The following SPTAN1 variants were observed in gnomAD, a reference collection of about 807,000 sequenced individuals.
SPTAN1 encodes spectrin alpha chain, non-erythrocytic 1.
A neutral mutation model predicts 331.3 loss-of-function variants in SPTAN1; 61 were observed. That is an observed-to-expected ratio of 0.18 (90% CI 0.15 to 0.23). SPTAN1 has a LOEUF of 0.23. Among genes scored for constraint, SPTAN1 ranks in the 10% least tolerant of loss-of-function variants. The pLI is 1.00. For missense variants in SPTAN1, 2,043 were observed against 3,147.9 expected, an observed-to-expected ratio of 0.65 and a Z score of 8.40; for synonymous variants, 1,153 against 1,173.9, an observed-to-expected ratio of 0.98 and a Z score of 0.36.
chr9:128,629,096 T>C lies in SPTAN1; in HGVS notation c.6707+1154T>C, dbSNP rs144456039. ...GCTCTTGCCTCCCCTCCCTTTGGTGTATTCATTTGGTTTCTTTTCTTTGAA... is the reference window on the plus strand; with the variant it reads ...GCTCTTGCCTCCCCTCCCTTTGGTGCATTCATTTGGTTTCTTTTCTTTGAA... On this transcript the variant is annotated intron_variant, in intron 51 of 56. Transcript: ENST00000372739. This position sits in a 1 kb window ranked among gnomAD's most constrained non-coding sequence, Gnocchi z 4.9. 1.5e-4 allele frequency: 60 copies of C among 398,788 alleles called. 1 individual carries two copies. In the East Asian group the frequency reaches 2.1e-3, roughly 14 times the overall value. 24.7% of individuals were successfully genotyped at this position (398,788 alleles called of 1,614,324 possible). A position where few individuals can be genotyped will look rare whatever the true frequency, so the allele number is the denominator to read the frequency against.
At chr9:128,584,252 A>G (rs765221735) in intron 16 of SPTAN1, 30 bp from the exon 17 acceptor site, 21 of 1,614,006 alleles carry the variant, frequency 1.3e-5, no homozygotes, top group Non-Finnish European at 1.8e-5. Flanking sequence ...CACCCAAAGT[A>G]AAGTCTGCTC....
chr9:128,567,083 C>A, intron 2 of SPTAN1, 106 bp downstream of exon 2: 2 of 1,492,364 alleles, frequency 1.3e-6, no homozygotes, highest in Non-Finnish European at 9.2e-7. Context: ...AGAGATTGGA[C>A]AAGAAGAATA....
At chr9:128,584,006 T>A in intron 16 of SPTAN1, 37 bp downstream of exon 16, 2 of 1,613,272 alleles carry the variant, frequency 1.2e-6, no homozygotes, top group Non-Finnish European at 1.7e-6. Context: ...GGCAAGTGAA[T>A]GCAGAAACTA....
At position 128,629,647 on chromosome 9, in the gene SPTAN1, G is replaced by A. The variant is rs940699608; in HGVS notation, c.6708-674G>A. On this transcript the variant is annotated intron_variant, in intron 51 of 56. Transcript: ENST00000372739. This position sits in a 1 kb window ranked among gnomAD's most constrained non-coding sequence, Gnocchi z 4.9. ...GTGACCTGGCACTGTGTTCTCTTGGGAAGGAGGCTCCCCAGAGCCCATCTG... is the reference window on the plus strand; with the variant it reads ...GTGACCTGGCACTGTGTTCTCTTGGAAAGGAGGCTCCCCAGAGCCCATCTG... 1 of 168,698 alleles carries A rather than the reference G, an allele frequency of 5.9e-6. No individual in the cohort carries two copies. Among genetic ancestry groups the A allele is most frequent in the Admixed American group, 5.5e-5 (1 of 18,032 alleles). The allele number at this position is 168,698 out of a possible 1,614,324, so 10.5% of individuals were successfully genotyped here.
In SPTAN1 at chr9:128,606,505, G is replaced by GGC. The variant is rs1855904901; in HGVS notation, c.4046+1028_4046+1029insGC. 2.1e-5 allele frequency among the ~76,000 whole-genome samples: 3 copies of GGC among 144,888 alleles called. No individual in the cohort carries two copies. The South Asian group carries it at 6.5e-4, about 32-fold the overall frequency. On this transcript the variant is annotated intron_variant, in intron 31 of 56. Coordinates refer to ENST00000372739, the MANE Select transcript of SPTAN1 (RefSeq NM_001130438.3). ...TATATATATTTTTTTTTTGGGGGGG[G>GGC]AAGCGTTTCGCTTTTGTGCCCAGGC...
intron 21 of SPTAN1, 23 bp downstream of exon 21, chr9:128,588,966 G>A: frequency 6.2e-7 from 1 of 1,613,322 alleles, no homozygotes; most frequent in Non-Finnish European, 8.5e-7. Flanking sequence ...GAGTGGCTGT[G>A]TGTTTGTTCC....
Position 128,619,797 on chromosome 9 carries a change from C to T in SPTAN1, c.5733+794C>T, listed in dbSNP as rs191245287. Among the ~76,000 whole-genome samples, 297 of 152,340 alleles carry T rather than the reference C, an allele frequency of 1.9e-3. 1 individual carries two copies. The highest frequency in any genetic ancestry group is 3.1e-3 in the Non-Finnish European group (214 of 68,028). On this transcript the variant is annotated intron_variant, in intron 44 of 56. Coordinates refer to ENST00000372739, the MANE Select transcript of SPTAN1 (RefSeq NM_001130438.3). The stretch of plus-strand genomic sequence containing the variant: ...TCCCTAAATTGGTTAACTGTTGCTA[C>T]ATAACAACCCGCCTAAATGTAGTGG...
chr9:128,570,101 A>G (rs1188059127), intron 3 of SPTAN1, among the ~76,000 whole-genome samples: 2 of 152,006 alleles, frequency 1.3e-5, no homozygotes, highest in African/African-American at 4.8e-5. Context: ...AAATGAAATC[A>G]GTCTGCGTTA....
chr9:128,621,099 G>A (rs1467734810), intron 44 of SPTAN1, 59 bp from the exon 45 acceptor site: 2 of 1,496,752 alleles, frequency 1.3e-6, no homozygotes, highest in Non-Finnish European at 1.9e-6. Flanking sequence ...TGTCCCCGGG[G>A]CCTAGCCCAC....
intron 43 of SPTAN1, 82 bp downstream of exon 43, chr9:128,618,190 T>C: frequency 6.3e-7 from 1 of 1,588,472 alleles, no homozygotes; most frequent in Non-Finnish European, 8.6e-7. Context: ...GGGGGTCCAG[T>C]GGGCCCTCCT....
In SPTAN1 at chr9:128,585,748, G is replaced by A. The variant is rs781428639; in HGVS notation, c.2561G>A (p.Gly854Asp). The A allele has an allele frequency of 6.2e-7, 1 of 1,613,874 alleles. No homozygotes were observed. The highest frequency in any genetic ancestry group is 8.5e-7 in the Non-Finnish European group (1 of 1,179,882). Reference sequence around the variant, plus strand: ...TCCTCTTTCCCTACCCATCTTCCAGGCCATTTTGCTGCAGAGGATGTGAAG... The same window carrying A: ...TCCTCTTTCCCTACCCATCTTCCAGACCATTTTGCTGCAGAGGATGTGAAG... ...TQKGNAMVEE[G>D]HFAAEDVKAK... Residue 854 changes from glycine (G) to aspartate (D), a missense_variant and splice_region_variant, in exon 19 of 57, where the codon GGC (glycine) becomes GAC (aspartate). Around this residue, in one of 12 missense-constraint regions of SPTAN1, gnomAD observed 1,038 missense variants for 1,531.5 expected, o/e 0.68. Coordinates refer to ENST00000372739, the MANE Select transcript of SPTAN1 (RefSeq NM_001130438.3).
At chr9:128,603,736 C>T in intron 28 of SPTAN1, 146 bp downstream of exon 28, 2 of 1,026,680 alleles carry the variant, frequency 1.9e-6, no homozygotes, top group South Asian at 2.6e-5. Flanking sequence ...CCTAAGTAAA[C>T]ATCAGCACAT....
intron 21 of SPTAN1, among the ~76,000 whole-genome samples, chr9:128,590,916 G>A (rs891439986): frequency 6.6e-6 from 1 of 152,162 alleles, no homozygotes; most frequent in African/African-American, 2.4e-5. Flanking sequence ...TACAGTGTTA[G>A]CACAGCTCTG....
chr9:128,626,161 C>T (rs1858700779), intron 48 of SPTAN1, 183 bp downstream of exon 48: 2 of 856,356 alleles, frequency 2.3e-6, no homozygotes, highest in Non-Finnish European at 3.6e-6. Flanking sequence ...GTGAGATCGC[C>T]ATTCAGAAGC....
intron 31 of SPTAN1, among the ~76,000 whole-genome samples, chr9:128,606,086 C>A (rs528428177): frequency 2.6e-4 from 39 of 151,954 alleles, no homozygotes; most frequent in Non-Finnish European, 4.4e-4. Context: ...AAATAAGTCT[C>A]TGCAGCCGGG....
intron 52 of SPTAN1, 161 bp downstream of exon 52, chr9:128,630,536 CTTTT>C (rs1413819951): frequency 4.6e-6 from 3 of 651,102 alleles, no homozygotes; most frequent in Non-Finnish European, 5.4e-6. Context: ...ATCTCTCTCT[CTTTT>C]CTTTCTTTCT....
Position 128,606,499 on chromosome 9 carries a change from G to T in SPTAN1, c.4046+1022G>T, listed in dbSNP as rs574014330. On this transcript the variant is annotated intron_variant, in intron 31 of 56. Transcript: ENST00000372739. ...TATATATATATATATTTTTTTTTTG[G>T]GGGGGGAAGCGTTTCGCTTTTGTGC... Among the ~76,000 whole-genome samples the T allele has an allele frequency of 6.9e-5, 10 of 145,494 alleles. No individual in the cohort carries two copies. The East Asian group carries it at 1.8e-3, about 27-fold the overall frequency.
rs577900415 is a variant in SPTAN1, at chr9:128,605,975, A to G, written c.4046+498A>G. Among the ~76,000 whole-genome samples, 86 of 146,534 alleles carry G rather than the reference A, an allele frequency of 5.9e-4. 1 individual carries two copies. The highest frequency in any genetic ancestry group is 2.0e-3 in the African/African-American group (80 of 40,674). ...CCACTGCACTCCAGCCCGGGCAACAAGAGTGAAACTCCATCTCAAAAAAAA... is the reference window on the plus strand; with the variant it reads ...CCACTGCACTCCAGCCCGGGCAACAGGAGTGAAACTCCATCTCAAAAAAAA... On this transcript the variant is annotated intron_variant, in intron 31 of 56. Transcript: ENST00000372739.
chr9:128,631,382 C>G (rs1859699323), intron 52 of SPTAN1: 1 of 152,174 alleles, frequency 6.6e-6, no homozygotes, highest in Admixed American at 6.5e-5. Context: ...TCACTTGATT[C>G]TGGGATGCGG....
Sources: gnomAD v4.1 joint callset for allele counts (sites outside exome capture counted in the v4.1 genomes callset) on GRCh38, gnomAD v4.1.1 for gene constraint, gnomAD v4.1.1 regional missense constraint, Gnocchi (gnomAD v3.1) non-coding constraint, MANE v1.5 for transcripts, NCBI Gene and HGNC (gene_info 2026-07-23, HGNC 2026-07-21) for gene names.